The following IFT52 variants were observed in gnomAD, a reference collection of about 807,000 sequenced individuals.
The protein encoded by IFT52 is intraflagellar transport 52.
A neutral mutation model predicts 54.4 loss-of-function variants in IFT52; 44 were observed. That is an observed-to-expected ratio of 0.81 (90% CI 0.63 to 1.04). IFT52 has a LOEUF of 1.04. Among genes scored for constraint, IFT52 ranks in the 50% least tolerant of loss-of-function variants. The pLI, the probability that IFT52 is intolerant of heterozygous loss-of-function variation, is 0.00. For synonymous variants in IFT52, 181 were observed against 185.3 expected (o/e 0.98, Z 0.19); for missense variants, 452 against 523.6 (o/e 0.86, Z 1.33).
chr20:43,615,331 C>G (rs895149067), intron 7 of IFT52, among the ~76,000 whole-genome samples: 7 of 152,260 alleles, frequency 4.6e-5, no homozygotes, highest in South Asian at 2.1e-4. Flanking sequence ...GCATGAGCCA[C>G]TGTGCCCAGC....
chr20:43,620,877 C>G lies in IFT52; in HGVS notation c.720C>G (p.Leu240=), dbSNP rs749731647. 6.2e-7 allele frequency: 1 copy of G among 1,610,698 alleles called. No individual in the cohort carries two copies. The highest frequency in any genetic ancestry group is 8.5e-7 in the Non-Finnish European group (1 of 1,178,628). ...SKIMDVVFQW[L]TTGDIHLNQI... ...TTTAGGATGTTGTTTTCCAGTGGCT[C>G]ACGACAGGAGACATCCACCTAAACC... Residue 240 remains leucine, a synonymous_variant, in exon 9 of 14, where the codon CTC becomes CTG. Coordinates refer to ENST00000373030, the MANE Select transcript of IFT52 (RefSeq NM_016004.5).
chr20:43,607,270 C>A, intron 6 of IFT52, among the ~76,000 whole-genome samples: 1 of 150,952 alleles, frequency 6.6e-6, no homozygotes, highest in South Asian at 2.1e-4. Flanking sequence ...GGCTGACCCC[C>A]CCACCTCCCT....
chr20:43,624,065 T>G lies in IFT52; in HGVS notation c.923+20T>G. ...CATCGAGTCAGTACCTGTGGGCCTCTGAGCCACACTGCACTCCATTCTGAG... is the reference window on the plus strand; with the variant it reads ...CATCGAGTCAGTACCTGTGGGCCTCGGAGCCACACTGCACTCCATTCTGAG... On this transcript the variant is annotated intron_variant, in intron 10 of 13. Coordinates refer to ENST00000373030, the MANE Select transcript of IFT52 (RefSeq NM_016004.5). 1.2e-6 allele frequency: 2 copies of G among 1,611,866 alleles called. No individual in the cohort carries two copies. The highest frequency in any genetic ancestry group is 1.7e-6 in the Non-Finnish European group (2 of 1,178,372).
At chr20:43,619,689 T>A (rs1984125482) in intron 8 of IFT52, among the ~76,000 whole-genome samples, 1 of 151,956 alleles carries the variant, frequency 6.6e-6, no homozygotes, top group South Asian at 2.1e-4. Context: ...CATTGCAATT[T>A]TGTCAAAAAA....
chr20:43,618,972 A>G lies in IFT52; in HGVS notation c.645A>G (p.Ser215=). The change falls in exon 8 of 14, where the codon TCA becomes TCG. Residue 215 remains serine (S), a synonymous_variant. Coordinates refer to ENST00000373030, the MANE Select transcript of IFT52 (RefSeq NM_016004.5). Reference sequence around the variant, plus strand: ...GTGGGAAGCTGGCAGTGCTTGGTTCATGTCACATGTTCAGTGATCAATATT... The same window carrying G: ...GTGGGAAGCTGGCAGTGCTTGGTTCGTGTCACATGTTCAGTGATCAATATT... ...NQGGKLAVLG[S]CHMFSDQYLD... 1.2e-6 allele frequency: 2 copies of G among 1,614,090 alleles called. No homozygotes were observed. The highest frequency in any genetic ancestry group is 1.7e-6 in the Non-Finnish European group (2 of 1,179,964).
chr20:43,594,508 C>G (rs1166041455), intron 1 of IFT52, among the ~76,000 whole-genome samples, 185 bp from the exon 2 acceptor site: 1 of 151,980 alleles, frequency 6.6e-6, no homozygotes, highest in Non-Finnish European at 1.5e-5. Context: ...TGGTTTTGGT[C>G]TTAGGTTTCT....
At chr20:43,637,614 C>A (rs1985634916) in intron 12 of IFT52, among the ~76,000 whole-genome samples, 1 of 152,142 alleles carries the variant, frequency 6.6e-6, no homozygotes, top group African/African-American at 2.4e-5. Flanking sequence ...TTTATTTAAT[C>A]ATGAATTTCT....
intron 4 of IFT52, 62 bp downstream of exon 4, chr20:43,603,951 G>A: frequency 8.2e-7 from 1 of 1,214,376 alleles, no homozygotes. Flanking sequence ...TGATATCATA[G>A]CCCTCTAGGT....
chr20:43,642,103 T>C (rs1400774869), intron 12 of IFT52: 2 of 161,726 alleles, frequency 1.2e-5, no homozygotes, highest in Non-Finnish European at 2.7e-5. Flanking sequence ...CAATACAATA[T>C]TGTTTTAGTA....
intron 3 of IFT52, among the ~76,000 whole-genome samples, chr20:43,603,137 C>A (rs1982588010): frequency 1.3e-5 from 2 of 152,120 alleles, no homozygotes; most frequent in South Asian, 4.1e-4. Context: ...CAGGCTAGAC[C>A]AGCAAGATCA....
chr20:43,600,787 A>G (rs1018928780), intron 3 of IFT52, among the ~76,000 whole-genome samples: 29 of 152,122 alleles, frequency 1.9e-4, no homozygotes, highest in African/African-American at 7.0e-4. Context: ...CCTGGCCAAC[A>G]TGGTGAAACC....
At chr20:43,595,146 G>A (rs968258106) in intron 2 of IFT52, among the ~76,000 whole-genome samples, 5 of 151,462 alleles carry the variant, frequency 3.3e-5, no homozygotes, top group Admixed American at 6.6e-5. Context: ...AAACCCCATC[G>A]CTACTAAAAA....
intron 12 of IFT52, among the ~76,000 whole-genome samples, chr20:43,639,409 GC>G (rs1321664436): frequency 6.6e-6 from 1 of 151,894 alleles, no homozygotes; most frequent in Non-Finnish European, 1.5e-5. Context: ...AGTGGCTCAC[GC>G]CTGTAATCCC....
intron 10 of IFT52, among the ~76,000 whole-genome samples, chr20:43,626,587 A>C (rs1984739334): frequency 6.6e-6 from 1 of 151,570 alleles, no homozygotes; most frequent in Admixed American, 6.6e-5. Flanking sequence ...CTTTTTTCTT[A>C]TTTTTTGCCT....
chr20:43,613,988 C>T lies in IFT52; in HGVS notation c.612+12C>T, dbSNP rs1600478786. 12 of 1,609,180 alleles carry T rather than the reference C, an allele frequency of 7.5e-6. No individual in the cohort carries two copies. The East Asian group carries it at 2.7e-4, about 36-fold the overall frequency. ...TCTATCACTCAAAGGTACAGCTTTT[C>T]TTAGATATGGGTATAGATGTTATTT... On this transcript the variant is annotated intron_variant, in intron 7 of 13. Coordinates refer to ENST00000373030, the MANE Select transcript of IFT52 (RefSeq NM_016004.5).
intron 9 of IFT52, among the ~76,000 whole-genome samples, chr20:43,621,231 T>C (rs1231779550): frequency 6.6e-6 from 1 of 152,208 alleles, no homozygotes; most frequent in East Asian, 1.9e-4. Flanking sequence ...AAAAATACTT[T>C]TTTCAGAAAT....
intron 11 of IFT52, 98 bp from the exon 12 acceptor site, chr20:43,637,047 C>A: frequency 1.3e-6 from 1 of 779,678 alleles, no homozygotes; most frequent in Non-Finnish European, 2.1e-6. Flanking sequence ...TGTCTTATCA[C>A]TGTTAGTTAT....
At chr20:43,599,962 TA>T (rs1416206450) in intron 3 of IFT52, among the ~76,000 whole-genome samples, 6 of 152,090 alleles carry the variant, frequency 3.9e-5, no homozygotes, top group African/African-American at 7.2e-5. Context: ...CCACCACCAT[TA>T]AAAAAGTAAA....
At chr20:43,607,218 C>T (rs1335551002) in intron 6 of IFT52, among the ~76,000 whole-genome samples, 1 of 142,160 alleles carries the variant, frequency 7.0e-6, no homozygotes, top group African/African-American at 2.8e-5. Flanking sequence ...GGGGGCTGAC[C>T]CCCCCACCTC....
Sources: gnomAD v4.1 joint callset for allele counts (sites outside exome capture counted in the v4.1 genomes callset) on GRCh38, gnomAD v4.1.1 for gene constraint, MANE v1.5 for transcripts, NCBI Gene and HGNC (gene_info 2026-07-23, HGNC 2026-07-21) for gene names.